Variants in CCDC186 observed in about 807,000 individuals in gnomAD.
CCDC186 encodes coiled-coil domain-containing protein 186.
Under a neutral mutation model 113.7 loss-of-function variants are expected in CCDC186, and 49 were observed. That is an observed-to-expected ratio of 0.43 (90% CI 0.34 to 0.55). The LOEUF (loss-of-function observed/expected upper bound fraction) is 0.55. Ranked by LOEUF, CCDC186 falls within the 20% of genes least tolerant of loss-of-function variation. The pLI, the probability that CCDC186 is intolerant of heterozygous loss-of-function variation, is 0.02. For synonymous variants in CCDC186, 355 were observed against 345.8 expected (o/e 1.03, Z -0.30); for missense variants, 890 against 1,011.1 (o/e 0.88, Z 1.62).
At chr10:114,132,933 T>A (rs1277667225) in intron 10 of CCDC186, among the ~76,000 whole-genome samples, 1 of 152,014 alleles carries the variant, frequency 6.6e-6, no homozygotes, top group African/African-American at 2.4e-5. Context: ...CAACTACAGC[T>A]GAAATACAAG....
rs374609852 is a variant in CCDC186, at chr10:114,174,120, A to G, written c.-167T>C. 2.1e-6 allele frequency: 1 copy of G among 472,050 alleles called. No individual in the cohort carries two copies. The highest frequency in any genetic ancestry group is 4.4e-6 in the Non-Finnish European group (1 of 227,018). 29.2% of individuals were successfully genotyped at this position (472,050 alleles called of 1,614,324 possible). On this transcript the variant is annotated 5_prime_UTR_variant, in exon 1 of 16. Transcript: ENST00000369287. The stretch of plus-strand genomic sequence containing the variant: ...TCCAACCAGCCAAGAGTGGGAGGAA[A>G]AGACCGCGGTGAGAAACACAGCCGA...
chr10:114,172,804 T>C (rs183899604), intron 1 of CCDC186, among the ~76,000 whole-genome samples: 27 of 152,328 alleles, frequency 1.8e-4, no homozygotes, highest in African/African-American at 6.5e-4. Flanking sequence ...TTGTGTAATG[T>C]TGGATAAAGA....
At chr10:114,151,051 C>A (rs747296164) in intron 4 of CCDC186, 41 bp downstream of exon 4, 2 of 1,602,610 alleles carry the variant, frequency 1.2e-6, no homozygotes, top group East Asian at 4.5e-5. Context: ...ACAAGAGTCA[C>A]CAGAATATCA....
chr10:114,155,986 C>T (rs367773612), intron 3 of CCDC186, among the ~76,000 whole-genome samples: 1 of 151,862 alleles, frequency 6.6e-6, no homozygotes, highest in South Asian at 2.1e-4. Flanking sequence ...ACAACAACAA[C>T]AAAAAAAGCC....
intron 14 of CCDC186, among the ~76,000 whole-genome samples, chr10:114,126,635 G>A (rs1365355206): frequency 6.6e-6 from 1 of 152,172 alleles, no homozygotes; most frequent in Non-Finnish European, 1.5e-5. Flanking sequence ...GATTACAGGT[G>A]TGAGACACCA....
At chr10:114,149,838 A>AAGGC (rs1170943023) in intron 4 of CCDC186, among the ~76,000 whole-genome samples, 13 of 107,724 alleles carry the variant, frequency 1.2e-4, no homozygotes, top group Non-Finnish European at 1.7e-4. Flanking sequence ...GGAAGGCAGG[A>AAGGC]AGGCAGGCAG....
chr10:114,169,463 G>C (rs1021384091), intron 1 of CCDC186, among the ~76,000 whole-genome samples: 1 of 151,672 alleles, frequency 6.6e-6, no homozygotes, highest in African/African-American at 2.4e-5. Flanking sequence ...AGGCTCTCTG[G>C]AACTCCTGAC....
chr10:114,136,392 C>G (rs577735173), intron 7 of CCDC186, 146 bp from the exon 8 acceptor site: 1 of 574,098 alleles, frequency 1.7e-6, no homozygotes, highest in East Asian at 2.8e-5. Flanking sequence ...GAAATAACTC[C>G]AAGAACAGTT....
chr10:114,135,596 A>G (rs2031234187), intron 9 of CCDC186, among the ~76,000 whole-genome samples: 1 of 152,148 alleles, frequency 6.6e-6, no homozygotes, highest in South Asian at 2.1e-4. Context: ...TATCTTTCCA[A>G]TTGATTCGTT....
chr10:114,158,591 T>C (rs369999918), intron 2 of CCDC186, among the ~76,000 whole-genome samples: 2 of 150,666 alleles, frequency 1.3e-5, no homozygotes, highest in East Asian at 3.9e-4. Context: ...TAGTTAGGCA[T>C]GATGGCTCAT....
intron 6 of CCDC186, among the ~76,000 whole-genome samples, 158 bp from the exon 7 acceptor site, chr10:114,137,448 T>C (rs1267750861): frequency 6.6e-6 from 1 of 152,200 alleles, no homozygotes; most frequent in Non-Finnish European, 1.5e-5. Flanking sequence ...AAAATTAAAA[T>C]GATCTGTAGA....
rs1235002367 is a variant in CCDC186, at chr10:114,122,894, T to C, written c.*2249A>G. ...GTCAAAATATTGTTTGTAATACTTT[T>C]CTTCTAAAATTTTCTCATTAAACTT... On this transcript the variant is annotated 3_prime_UTR_variant, in exon 16 of 16. Coordinates refer to ENST00000369287, the MANE Select transcript of CCDC186 (RefSeq NM_018017.4). The C allele has an allele frequency of 6.6e-6, 1 of 152,210 alleles. No individual in the cohort carries two copies. The highest frequency in any genetic ancestry group is 1.5e-5 in the Non-Finnish European group (1 of 68,034). The allele number at this position is 152,210 out of a possible 1,614,324, so 9.4% of individuals were successfully genotyped here.
chr10:114,155,721 C>T (rs935620348), intron 3 of CCDC186, among the ~76,000 whole-genome samples: 3 of 152,000 alleles, frequency 2.0e-5, no homozygotes, highest in Admixed American at 1.3e-4. Context: ...AAATTACAAA[C>T]AAGTGAGTTT....
At chr10:114,164,815 G>C (rs776524147) in intron 1 of CCDC186, among the ~76,000 whole-genome samples, 1 of 152,224 alleles carries the variant, frequency 6.6e-6, no homozygotes, top group South Asian at 2.1e-4. Flanking sequence ...GTGGTTATCA[G>C]AGGATGATGA....
At position 114,148,841 on chromosome 10, in the gene CCDC186, T is replaced by A. The variant is rs999474181; in HGVS notation, c.888+2251A>T. Reference sequence around the variant, plus strand: ...GTAAGTAGGGTTCAAATTCATTCTATCTATCTGGTCTATGAAATGAGGAAA... The same window carrying A: ...GTAAGTAGGGTTCAAATTCATTCTAACTATCTGGTCTATGAAATGAGGAAA... On this transcript the variant is annotated intron_variant, in intron 4 of 15. Transcript: ENST00000369287. 5.3e-5 allele frequency among the ~76,000 whole-genome samples: 8 copies of A among 152,344 alleles called. No homozygotes were observed. The East Asian group carries it at 1.3e-3, about 26-fold the overall frequency.
At chr10:114,154,959 T>C (rs1180454117) in intron 3 of CCDC186, among the ~76,000 whole-genome samples, 1 of 152,186 alleles carries the variant, frequency 6.6e-6, no homozygotes, top group African/African-American at 2.4e-5. Flanking sequence ...AAACACTATG[T>C]TAAATAAAAG....
chr10:114,145,530 C>T lies in CCDC186; in HGVS notation c.1101+19G>A. 6.4e-7 allele frequency: 1 copy of T among 1,553,966 alleles called. No homozygotes were observed. Among genetic ancestry groups the T allele is most frequent in the Non-Finnish European group, 8.7e-7 (1 of 1,154,772 alleles). On this transcript the variant is annotated intron_variant, in intron 5 of 15. Transcript: ENST00000369287. ...AATTTCAAATAAGGTCAACATATTT[C>T]AAATGGCACAAGTTATACCTTAGTT...
intron 4 of CCDC186, among the ~76,000 whole-genome samples, chr10:114,150,400 G>T (rs2031815634): frequency 6.6e-6 from 1 of 152,098 alleles, no homozygotes; most frequent in South Asian, 2.1e-4. Flanking sequence ...CAAAAAAGAT[G>T]TATAGTATCA....
chr10:114,170,514 A>C (rs961249107), intron 1 of CCDC186, among the ~76,000 whole-genome samples: 7 of 152,094 alleles, frequency 4.6e-5, no homozygotes, highest in Non-Finnish European at 8.8e-5. Context: ...GTAGAGATGG[A>C]GTCTTGCTAT....
Sources: gnomAD v4.1 joint callset for allele counts (sites outside exome capture counted in the v4.1 genomes callset) on GRCh38, gnomAD v4.1.1 for gene constraint, MANE v1.5 for transcripts, NCBI Gene and HGNC (gene_info 2026-07-23, HGNC 2026-07-21) for gene names.